DTNB: variants seen among roughly 807,000 people sequenced by gnomAD.
DTNB encodes DTN-B.
A neutral mutation model predicts 90.7 loss-of-function variants in DTNB; 63 were observed. The observed-to-expected ratio is 0.69, with a 90% CI of 0.57 to 0.86. The LOEUF is 0.86. Among genes scored for constraint, DTNB ranks in the 40% least tolerant of loss-of-function variants. The pLI is 0.00. For missense variants in DTNB, 744 were observed against 807.1 expected (o/e 0.92, Z 0.95); for synonymous variants, 277 against 286.7 (o/e 0.97, Z 0.34).
chr2:25,498,135 T>G (rs1047120397), intron 9 of DTNB, among the ~76,000 whole-genome samples: 1 of 152,136 alleles, frequency 6.6e-6, no homozygotes, highest in Non-Finnish European at 1.5e-5. Context: ...GGTCTGGAAA[T>G]TTTCTGGCAC....
chr2:25,667,968 G>A (rs911678429), intron 1 of DTNB, among the ~76,000 whole-genome samples: 10 of 152,274 alleles, frequency 6.6e-5, no homozygotes, highest in Admixed American at 3.9e-4. Context: ...GGCCGGACGC[G>A]GTGGCTCACG....
intron 8 of DTNB, among the ~76,000 whole-genome samples, chr2:25,567,377 C>A (rs1283036308): frequency 6.6e-6 from 1 of 152,180 alleles, no homozygotes; most frequent in African/African-American, 2.4e-5. Context: ...CTCAATTGAT[C>A]CAGGTCTGTC....
Position 25,387,275 on chromosome 2 carries a change from G to A in DTNB, c.1825+14C>T, listed in dbSNP as rs1009073474. The A allele has an allele frequency of 3.7e-6, 6 of 1,604,736 alleles. No homozygotes were observed. The African/African-American group carries it at 6.7e-5, about 18-fold the overall frequency. ...GGGGAGGCCAGGAAGCTGGCTGGGA[G>A]CTCTGGGTTTCACCTGAATGGAGCT... On this transcript the variant is annotated intron_variant, in intron 18 of 20. Transcript: ENST00000406818. The surrounding 1 kb of genome is among the most constrained non-coding windows in gnomAD (Gnocchi z 4.5).
At chr2:25,418,732 A>G (rs2048580989) in intron 16 of DTNB, among the ~76,000 whole-genome samples, 1 of 152,150 alleles carries the variant, frequency 6.6e-6, no homozygotes, top group African/African-American at 2.4e-5. Flanking sequence ...TAAAAATTAA[A>G]CGTTTTGTAT....
chr2:25,628,095 G>A (rs2074781241), intron 4 of DTNB, 76 bp downstream of exon 4: 1 of 1,487,444 alleles, frequency 6.7e-7, no homozygotes, highest in Admixed American at 1.8e-5. Flanking sequence ...ACTTAGCACG[G>A]CAGTATGGAA....
intron 9 of DTNB, among the ~76,000 whole-genome samples, chr2:25,507,613 G>A (rs796834076): frequency 3.9e-5 from 6 of 152,026 alleles, no homozygotes; most frequent in African/African-American, 7.2e-5. Flanking sequence ...TATCCACCTC[G>A]TCCACCCAAG....
chr2:25,620,934 G>GGA (rs1162523218), intron 4 of DTNB, among the ~76,000 whole-genome samples: 16 of 152,200 alleles, frequency 1.1e-4, no homozygotes, highest in African/African-American at 3.9e-4. Context: ...GGCTGAAGCA[G>GGA]GAGAACTGCT....
chr2:25,437,610 G>A (rs1246340088), intron 12 of DTNB, among the ~76,000 whole-genome samples: 3 of 151,902 alleles, frequency 2.0e-5, no homozygotes, highest in Non-Finnish European at 4.4e-5. Context: ...AGAAGAAGAA[G>A]AAAAAAGCCA....
At position 25,385,616 on chromosome 2, in the gene DTNB, C is replaced by G. The variant is rs535206561; in HGVS notation, c.1825+1673G>C. Among the ~76,000 whole-genome samples the G allele has an allele frequency of 3.5e-4, 53 of 152,268 alleles. 1 individual carries two copies. Among genetic ancestry groups the G allele is most frequent in the Admixed American group, 7.8e-4 (12 of 15,294 alleles). ...ACCCAGGTTCTAGGACCAGCTTTCC[C>G]CCTTCAAGCTGCACGACCTTAGGCA... On this transcript the variant is annotated intron_variant, in intron 18 of 20. Coordinates refer to ENST00000406818, the MANE Select transcript of DTNB (RefSeq NM_021907.5).
At chr2:25,667,780 G>C (rs2084831623) in intron 1 of DTNB, among the ~76,000 whole-genome samples, 1 of 152,174 alleles carries the variant, frequency 6.6e-6, no homozygotes, top group South Asian at 2.1e-4. Context: ...TTTCCCAAGT[G>C]AGTTACAAAT....
chr2:25,607,197 T>A (rs1178292159), intron 5 of DTNB, 39 bp downstream of exon 5: 2 of 1,546,996 alleles, frequency 1.3e-6, no homozygotes, highest in African/African-American at 2.7e-5. Flanking sequence ...AAGTCCTAAT[T>A]TGAAAATGGC....
chr2:25,451,943 C>G (rs2059355068), intron 11 of DTNB, among the ~76,000 whole-genome samples: 2 of 152,112 alleles, frequency 1.3e-5, no homozygotes, highest in African/African-American at 4.8e-5. Flanking sequence ...GATTTCTAAC[C>G]AAATGTTTAA....
chr2:25,648,993 CTTTTTTTTTTTTTTT>C lies in DTNB; in HGVS notation c.67+3586_67+3600del, dbSNP rs60749102. Among the ~76,000 whole-genome samples, 4 of 94,032 alleles carry C rather than the reference CTTTTTTTTTTTTTTT, an allele frequency of 4.3e-5. No individual in the cohort carries two copies. In the East Asian group the frequency reaches 1.2e-3, roughly 29 times the overall value. The allele number at this position is 94,032 out of a possible 152,430, so 61.7% of individuals were successfully genotyped here. On this transcript the variant is annotated intron_variant, in intron 2 of 20. Transcript: ENST00000406818. ...AAAAACAAGACGCTATCCTTCCTAC[CTTTTTTTTTTTTTTT>C]TTTTTTTTTTTTTTGAGACGGAGTC...
intron 1 of DTNB, among the ~76,000 whole-genome samples, chr2:25,662,681 A>ACAAACACACAAACAC: frequency 9.6e-6 from 1 of 104,530 alleles, no homozygotes; most frequent in South Asian, 3.2e-4. Flanking sequence ...CACACACACA[A>ACAAACACACAAACAC]ACACACACAC....
chr2:25,525,663 G>T (rs2076956643), intron 9 of DTNB, among the ~76,000 whole-genome samples: 2 of 151,768 alleles, frequency 1.3e-5, no homozygotes, highest in Admixed American at 6.6e-5. Context: ...AAAATCCAAG[G>T]CAAATATATA....
At chr2:25,652,416 T>C (rs958524007) in intron 2 of DTNB, among the ~76,000 whole-genome samples, 178 bp downstream of exon 2, 13 of 152,028 alleles carry the variant, frequency 8.6e-5, no homozygotes, top group Non-Finnish European at 1.3e-4. Context: ...GTCAATTCTA[T>C]TCAAATATAT....
At chr2:25,581,845 T>C (rs1309735373) in intron 6 of DTNB, among the ~76,000 whole-genome samples, 1 of 152,202 alleles carries the variant, frequency 6.6e-6, no homozygotes, top group Non-Finnish European at 1.5e-5. Context: ...CACTTCAAAT[T>C]GTTCCAAAAG....
At chr2:25,613,012 C>T (rs530227536) in intron 4 of DTNB, among the ~76,000 whole-genome samples, 1 of 152,302 alleles carries the variant, frequency 6.6e-6, no homozygotes, top group Non-Finnish European at 1.5e-5. Context: ...TGCATTTCTA[C>T]TCACTCTTCC....
chr2:25,518,582 C>G (rs1185653329), intron 9 of DTNB, among the ~76,000 whole-genome samples: 2 of 152,122 alleles, frequency 1.3e-5, no homozygotes, highest in African/African-American at 4.8e-5. Context: ...CCCCAACACA[C>G]ACACACTCAC....
Sources: gnomAD v4.1 joint callset for allele counts (sites outside exome capture counted in the v4.1 genomes callset) on GRCh38, gnomAD v4.1.1 for gene constraint, Gnocchi (gnomAD v3.1) non-coding constraint, MANE v1.5 for transcripts, NCBI Gene and HGNC (gene_info 2026-07-23, HGNC 2026-07-21) for gene names.